The following MTFR1 variants were observed in gnomAD, a reference collection of about 807,000 sequenced individuals.
MTFR1 encodes chondrocyte protein with a poly-proline region.
A neutral mutation model predicts 38.8 loss-of-function variants in MTFR1; 28 were observed. That is an observed-to-expected ratio of 0.72 (90% CI 0.53 to 0.99). The LOEUF (loss-of-function observed/expected upper bound fraction) is 0.99. Ranked by LOEUF, MTFR1 falls within the 50% of genes least tolerant of loss-of-function variation. MTFR1 has a pLI of 0.00. For missense variants in MTFR1, 358 were observed against 395.5 expected, an observed-to-expected ratio of 0.91 and a Z score of 0.81; for synonymous variants, 145 against 137.0, an observed-to-expected ratio of 1.06 and a Z score of -0.41.
intron 3 of MTFR1, among the ~76,000 whole-genome samples, chr8:65,729,708 G>A (rs898390380): frequency 1.9e-4 from 28 of 150,156 alleles, no homozygotes; most frequent in South Asian, 6.3e-4. Context: ...GATTATAGGC[G>A]CCTACCACCA....
chr8:65,684,907 G>A (rs1253557941), intron 3 of MTFR1, among the ~76,000 whole-genome samples: 1 of 152,088 alleles, frequency 6.6e-6, no homozygotes, highest in Non-Finnish European at 1.5e-5. Flanking sequence ...AGGAGGCTGA[G>A]GCAGGAGAAT....
At chr8:65,713,439 A>AACACACACAC (rs144454204), downstream of MTFR1, among the ~76,000 whole-genome samples, 2,646 of 137,488 alleles carry the variant, frequency 0.019, 56 homozygotes, top group East Asian at 0.075. Context: ...TCCCATCTCA[A>AACACACACAC]ACACACACAC....
intron 1 of MTFR1, among the ~76,000 whole-genome samples, chr8:65,645,564 C>T (rs1462299122): frequency 2.0e-5 from 3 of 152,146 alleles, no homozygotes; most frequent in Non-Finnish European, 4.4e-5. Flanking sequence ...GGGTCTCTGT[C>T]ACCCAGGCTG....
At chr8:65,754,902 T>A (rs973326690) in intron 3 of MTFR1, among the ~76,000 whole-genome samples, 8 of 147,410 alleles carry the variant, frequency 5.4e-5, no homozygotes, top group African/African-American at 2.0e-4. Flanking sequence ...GAGGCGGAGG[T>A]TGCAGTGAGC....
chr8:65,708,087 G>A, intron 7 of MTFR1, 76 bp downstream of exon 7: 1 of 1,604,370 alleles, frequency 6.2e-7, no homozygotes, highest in Non-Finnish European at 8.5e-7. Flanking sequence ...TTTTGCAAGT[G>A]ATTCACCTGT....
At chr8:65,771,709 T>C (rs1277752774), downstream of MTFR1, among the ~76,000 whole-genome samples, 1 of 151,520 alleles carries the variant, frequency 6.6e-6, no homozygotes, top group East Asian at 1.9e-4. Context: ...ACCCCATCTC[T>C]ACTAAAAATA....
chr8:65,715,825 A>G (rs1042837631), intron 2 of MTFR1, among the ~76,000 whole-genome samples: 22 of 150,370 alleles, frequency 1.5e-4, no homozygotes, highest in African/African-American at 4.9e-4. Flanking sequence ...CTCTACTAAT[A>G]AAGTACAAAA....
intron 4 of MTFR1, among the ~76,000 whole-genome samples, chr8:65,700,968 C>A (rs563249178): frequency 6.6e-6 from 1 of 152,328 alleles, no homozygotes; most frequent in South Asian, 2.1e-4. Context: ...TATCTGATTG[C>A]TTCCTCTGCC....
At chr8:65,716,148 CAAAA>C (rs376045290) in intron 2 of MTFR1, among the ~76,000 whole-genome samples, 2 of 88,588 alleles carry the variant, frequency 2.3e-5, no homozygotes, top group Non-Finnish European at 4.6e-5. Context: ...GACCCTGTCT[CAAAA>C]AAAAAAAAAA....
chr8:65,747,281 G>A (rs1220329742), intron 3 of MTFR1, among the ~76,000 whole-genome samples: 2 of 152,118 alleles, frequency 1.3e-5, no homozygotes, highest in Non-Finnish European at 2.9e-5. Context: ...CAAGTCCCTC[G>A]TGCTCTCTTG....
At chr8:65,726,896 G>T in intron 3 of MTFR1, 1 of 1,598,708 alleles carries the variant, frequency 6.3e-7, no homozygotes, top group Non-Finnish European at 8.6e-7. Context: ...TGGCAGATGT[G>T]AGAATAAGCC....
At chr8:65,700,333 G>A (rs941574539) in intron 4 of MTFR1, among the ~76,000 whole-genome samples, 1 of 141,684 alleles carries the variant, frequency 7.1e-6, no homozygotes, top group African/African-American at 2.6e-5. Flanking sequence ...CCTCAGCAAT[G>A]GATCGAGACC....
chr8:65,681,668 T>C (rs995273659), intron 2 of MTFR1, among the ~76,000 whole-genome samples: 1 of 146,776 alleles, frequency 6.8e-6, no homozygotes, highest in Non-Finnish European at 1.5e-5. Flanking sequence ...TTTTGTTGTT[T>C]TTGTTTTTTT....
chr8:65,662,444 G>C (rs1809457477), intron 1 of MTFR1, among the ~76,000 whole-genome samples: 1 of 150,576 alleles, frequency 6.6e-6, no homozygotes, highest in African/African-American at 2.4e-5. Flanking sequence ...ATCTGGGCTC[G>C]ATACAACCTC....
At chr8:65,663,822 CTTTTTTTTTTT>C (rs1035579864) in intron 1 of MTFR1, among the ~76,000 whole-genome samples, 1 of 78,578 alleles carries the variant, frequency 1.3e-5, no homozygotes, top group Non-Finnish European at 2.5e-5. Flanking sequence ...AATTTCTTTT[CTTTTTTTTTTT>C]TTTTTTTTTG....
At chr8:65,663,117 T>A (rs938381860) in intron 1 of MTFR1, among the ~76,000 whole-genome samples, 52 of 152,230 alleles carry the variant, frequency 3.4e-4, no homozygotes, top group South Asian at 2.7e-3. Context: ...AAGATTGAGA[T>A]ATCGGATGGT....
At chr8:65,750,854 A>G (rs767765016) in intron 3 of MTFR1, among the ~76,000 whole-genome samples, 1 of 152,180 alleles carries the variant, frequency 6.6e-6, no homozygotes, top group Non-Finnish European at 1.5e-5. Context: ...GTTAAGATTC[A>G]TTATCAAGAG....
chr8:65,679,487 A>T (rs1409065767), intron 2 of MTFR1: 1 of 152,210 alleles, frequency 6.6e-6, no homozygotes, highest in Non-Finnish European at 1.5e-5. Flanking sequence ...ATTCACTTGT[A>T]ATCCCAGCTA....
intron 3 of MTFR1, among the ~76,000 whole-genome samples, chr8:65,692,918 CAG>C (rs967071961): frequency 6.9e-6 from 1 of 143,946 alleles, no homozygotes; most frequent in African/African-American, 2.6e-5. Flanking sequence ...ACCCCCGAGA[CAG>C]AGTCTTGCTC....
Sources: gnomAD v4.1 joint callset for allele counts (sites outside exome capture counted in the v4.1 genomes callset) on GRCh38, gnomAD v4.1.1 for gene constraint, MANE v1.5 for transcripts, NCBI Gene and HGNC (gene_info 2026-07-23, HGNC 2026-07-21) for gene names.